Variants in WDPCP observed in about 807,000 individuals in gnomAD.
WDPCP encodes WD repeat containing planar cell polarity effector.
A neutral mutation model predicts 93.1 loss-of-function variants in WDPCP; 71 were observed. That is an observed-to-expected ratio of 0.76 (90% CI 0.63 to 0.93). The LOEUF is 0.93. Among genes scored for constraint, WDPCP ranks in the 40% least tolerant of loss-of-function variants. The pLI is 0.00. For synonymous variants in WDPCP, 315 were observed against 315.0 expected (o/e 1.00, Z 0.00); for missense variants, 844 against 887.4 (o/e 0.95, Z 0.62).
chr2:63,440,731 A>C (rs1286457713), intron 6 of WDPCP: 1 of 152,632 alleles, frequency 6.6e-6, no homozygotes, highest in African/African-American at 2.4e-5. Context: ...ACAGACTCAA[A>C]GCTGATGAAT....
intron 12 of WDPCP, among the ~76,000 whole-genome samples, chr2:63,372,165 C>T (rs748829319): frequency 6.6e-6 from 1 of 152,032 alleles, no homozygotes; most frequent in Non-Finnish European, 1.5e-5. Context: ...GGAGAGCCAC[C>T]AATGTTTAAC....
chr2:63,771,912 G>A (rs1236883312), intron 2 of WDPCP, among the ~76,000 whole-genome samples: 1 of 151,846 alleles, frequency 6.6e-6, no homozygotes, highest in Non-Finnish European at 1.5e-5. Flanking sequence ...ATTCCATTGT[G>A]TATATGTACC....
rs1295085968 is a variant in WDPCP, at chr2:63,239,537, G to C, written c.1915+19770C>G. ...TACATAACAAACATTTGTGAATAGA[G>C]ATTTCCTAGGGACATAATAAGGGCA... On this transcript the variant is annotated intron_variant, in intron 14 of 17. Coordinates refer to ENST00000272321, the MANE Select transcript of WDPCP (RefSeq NM_015910.7). Among the ~76,000 whole-genome samples, 4 of 152,104 alleles carry C rather than the reference G, an allele frequency of 2.6e-5. No individual in the cohort carries two copies. In the East Asian group the frequency reaches 7.7e-4, roughly 29 times the overall value.
intron 15 of WDPCP, among the ~76,000 whole-genome samples, chr2:63,171,345 ACAATT>A (rs1304759963): frequency 6.6e-6 from 1 of 152,240 alleles, no homozygotes; most frequent in Non-Finnish European, 1.5e-5. Flanking sequence ...GAAGTATCTT[ACAATT>A]CAATAACAAG....
chr2:63,807,112 A>G (rs1489183508), intron 2 of WDPCP, among the ~76,000 whole-genome samples: 2 of 152,210 alleles, frequency 1.3e-5, no homozygotes, highest in East Asian at 3.8e-4. Context: ...AGAAATTACA[A>G]AAGTATTAAT....
chr2:63,719,877 G>A (rs79375060), intron 2 of WDPCP, among the ~76,000 whole-genome samples: 27,603 of 151,826 alleles, frequency 0.18, 2,747 homozygotes, highest in Middle Eastern at 0.27. Context: ...CTTTCTGAGC[G>A]AAAAAAGCAA....
chr2:63,710,863 T>C (rs1051940832), intron 2 of WDPCP, among the ~76,000 whole-genome samples: 2 of 152,232 alleles, frequency 1.3e-5, no homozygotes, highest in African/African-American at 4.8e-5. Flanking sequence ...GATCTCCACC[T>C]GTCTCTGTAT....
At chr2:63,527,468 T>G (rs1287672310) in intron 1 of WDPCP, among the ~76,000 whole-genome samples, 1 of 149,098 alleles carries the variant, frequency 6.7e-6, no homozygotes, top group African/African-American at 2.5e-5. Flanking sequence ...GAACATGCAG[T>G]GTTTGGTTTT....
chr2:63,682,409 A>G (rs908445730), intron 2 of WDPCP, among the ~76,000 whole-genome samples: 1 of 152,244 alleles, frequency 6.6e-6, no homozygotes, highest in Non-Finnish European at 1.5e-5. Flanking sequence ...AGAACGCATC[A>G]GAATCTTTTA....
chr2:63,725,616 C>T (rs1174892610), intron 2 of WDPCP, among the ~76,000 whole-genome samples: 1 of 152,148 alleles, frequency 6.6e-6, no homozygotes. Flanking sequence ...TTTGAGAAAA[C>T]TCCAAACTGC....
chr2:63,537,126 T>A (rs890912568), intron 1 of WDPCP, among the ~76,000 whole-genome samples: 2 of 152,166 alleles, frequency 1.3e-5, no homozygotes, highest in African/African-American at 4.8e-5. Context: ...TTGGTTCCAA[T>A]CCCATTGAAT....
intron 12 of WDPCP, among the ~76,000 whole-genome samples, chr2:63,314,876 T>C (rs1400614432): frequency 6.6e-6 from 1 of 152,134 alleles, no homozygotes; most frequent in East Asian, 1.9e-4. Context: ...TTGGCAATCA[T>C]AGAGGGCAAA....
At chr2:63,595,304 A>C in intron 3 of WDPCP, 1 of 723,280 alleles carries the variant, frequency 1.4e-6, no homozygotes, top group Non-Finnish European at 2.5e-6. Flanking sequence ...AATAATCATC[A>C]TGACTAATTA....
At chr2:63,457,506 T>C (rs1197774626) in intron 6 of WDPCP, among the ~76,000 whole-genome samples, 1 of 151,914 alleles carries the variant, frequency 6.6e-6, no homozygotes, top group Admixed American at 6.6e-5. Context: ...AACAAAAAAG[T>C]AAAACTGCAG....
chr2:63,461,826 C>G (rs1296853774), intron 6 of WDPCP, among the ~76,000 whole-genome samples: 1 of 152,232 alleles, frequency 6.6e-6, no homozygotes, highest in African/African-American at 2.4e-5. Flanking sequence ...GTTTCTCTAT[C>G]CCTTTTAATC....
At chr2:63,596,934 G>C (rs1346544064) in intron 3 of WDPCP, among the ~76,000 whole-genome samples, 10 of 152,120 alleles carry the variant, frequency 6.6e-5, no homozygotes, top group African/African-American at 2.4e-4. Flanking sequence ...AAATTTGATA[G>C]TAATATAAAT....
In WDPCP at chr2:63,152,272, C is replaced by CT. The variant is rs530922242; in HGVS notation, c.2190+641dup. 3.1e-3 allele frequency among the ~76,000 whole-genome samples: 429 copies of CT among 140,084 alleles called. 1 individual carries two copies. The highest frequency in any genetic ancestry group is 3.9e-3 in the African/African-American group (150 of 38,664). 91.9% of individuals were successfully genotyped at this position (140,084 alleles called of 152,430 possible). A position where few individuals can be genotyped will look rare whatever the true frequency, so the allele number is the denominator to read the frequency against. On this transcript the variant is annotated intron_variant, in intron 17 of 17. Coordinates refer to ENST00000272321, the MANE Select transcript of WDPCP (RefSeq NM_015910.7). ...CATCAGTTATCAACTCCTGGCTACTCTTTTTTTTTTTTTTTTCTGTGACAC... is the reference window on the plus strand; with the variant it reads ...CATCAGTTATCAACTCCTGGCTACTCTTTTTTTTTTTTTTTTTCTGTGACAC...
chr2:63,444,089 C>G (rs941299190), intron 6 of WDPCP, among the ~76,000 whole-genome samples: 1 of 152,074 alleles, frequency 6.6e-6, no homozygotes, highest in African/African-American at 2.4e-5. Flanking sequence ...AGCCATGGTA[C>G]TGGACATGCT....
At chr2:63,507,520 A>C (rs945922087) in intron 1 of WDPCP, among the ~76,000 whole-genome samples, 6 of 152,070 alleles carry the variant, frequency 3.9e-5, no homozygotes, top group Non-Finnish European at 7.4e-5. Flanking sequence ...AAAGGATGAA[A>C]TAAACCCAAG....
Sources: allele counts gnomAD v4.1 joint callset (sites outside exome capture counted in the v4.1 genomes callset), GRCh38; gene constraint gnomAD v4.1.1; transcripts MANE v1.5; gene names NCBI Gene and HGNC (gene_info 2026-07-23, HGNC 2026-07-21).